ABI3BP: variants seen among roughly 807,000 people sequenced by gnomAD.
ABI3BP encodes the protein ABI family member 3 binding protein.
ABI3BP carries 216 observed loss-of-function variants against 268.6 expected under a neutral mutation model. The ratio of observed to expected loss-of-function variants is 0.80; its 90% CI spans 0.72 to 0.90. ABI3BP has a LOEUF of 0.90. ABI3BP is among the 40% of genes least tolerant of loss of function. ABI3BP has a pLI of 0.00. For missense variants in ABI3BP, 2,090 were observed against 2,182.4 expected (o/e 0.96, Z 0.84); for synonymous variants, 730 against 730.0 (o/e 1.00, Z 0.00).
At chr3:100,881,285 ATC>A (rs1160765277) in intron 6 of ABI3BP, among the ~76,000 whole-genome samples, 2 of 152,162 alleles carry the variant, frequency 1.3e-5, no homozygotes, top group African/African-American at 4.8e-5. Flanking sequence ...CATAAAGGTA[ATC>A]TCTCTTCACA....
At chr3:100,985,303 C>T (rs1385844945) in intron 1 of ABI3BP, among the ~76,000 whole-genome samples, 1 of 151,824 alleles carries the variant, frequency 6.6e-6, no homozygotes, top group Admixed American at 6.6e-5. Flanking sequence ...GCACGTGCCA[C>T]CATGCCCGGC....
chr3:100,850,660 C>T lies in ABI3BP; in HGVS notation c.1426G>A (p.Ala476Thr). ...ATGATTTTTCTGTTAAAAACATTAC[C>T]CAGTGTTGCCCTTGGCTGTTCAAGA... Reference protein sequence around the residue: ...RTLEQPRATLAPSETPFVPQK... With the variant: ...RTLEQPRATLTPSETPFVPQK... The change falls in exon 16 of 68, where the codon GCT (alanine) becomes ACT (threonine). Residue 476 changes from alanine (A) to threonine (T), a missense_variant and splice_region_variant. Ala to Thr is a moderately conservative substitution (Grantham distance 58, BLOSUM62 0). Transcript: ENST00000471714. 5.0e-6 allele frequency: 8 copies of T among 1,605,502 alleles called. No homozygotes were observed. Among genetic ancestry groups the T allele is most frequent in the Middle Eastern group, 3.3e-4 (2 of 6,032 alleles).
intron 6 of ABI3BP, among the ~76,000 whole-genome samples, chr3:100,883,405 C>T (rs1486010845): frequency 6.6e-6 from 1 of 152,054 alleles, no homozygotes; most frequent in African/African-American, 2.4e-5. Context: ...GTATCATCAA[C>T]AGGTCAATGT....
intron 1 of ABI3BP, among the ~76,000 whole-genome samples, chr3:100,989,892 GA>G (rs1329423714): frequency 6.6e-6 from 1 of 152,190 alleles, no homozygotes; most frequent in African/African-American, 2.4e-5. Context: ...AAAACAATGT[GA>G]AAATTCTTCT....
chr3:100,826,693 T>C (rs2098391293), intron 34 of ABI3BP, among the ~76,000 whole-genome samples: 1 of 152,160 alleles, frequency 6.6e-6, no homozygotes, highest in African/African-American at 2.4e-5. Flanking sequence ...TGCTGGGAAC[T>C]CCACTTTGGA....
rs1419436554 is a variant in ABI3BP, at chr3:100,830,491, A to G, written c.2458+87T>C. ...AGAGGATAACACAGAAGCCTTGTGA[A>G]GCGGGAGAAGCTGTGGTTATGATGG... On this transcript the variant is annotated intron_variant, in intron 32 of 67. Coordinates refer to ENST00000471714, the MANE Select transcript of ABI3BP (RefSeq NM_001375547.2). 6.3e-6 allele frequency: 7 copies of G among 1,118,576 alleles called. No individual in the cohort carries two copies. The Admixed American group carries it at 8.9e-5, about 14-fold the overall frequency. The allele number at this position is 1,118,576 out of a possible 1,614,324, so 69.3% of individuals were successfully genotyped here.
chr3:100,825,919 T>G (rs1322086522), intron 34 of ABI3BP, 75 bp from the exon 35 acceptor site: 21 of 1,098,704 alleles, frequency 1.9e-5, no homozygotes, highest in Non-Finnish European at 2.7e-5. Context: ...AAACGTATCT[T>G]GCTTGTGTAA....
At chr3:100,774,583 A>G (rs769409176) in intron 61 of ABI3BP, 22 bp downstream of exon 61, 1 of 1,544,494 alleles carries the variant, frequency 6.5e-7, no homozygotes, top group South Asian at 1.2e-5. Context: ...CAAATGTGAG[A>G]TTCACAGCCA....
intron 55 of ABI3BP, among the ~76,000 whole-genome samples, chr3:100,791,135 C>A (rs984570771): frequency 1.1e-4 from 17 of 151,848 alleles, no homozygotes; most frequent in African/African-American, 3.9e-4. Flanking sequence ...TCAGCATGTA[C>A]AAATATGTTA....
intron 5 of ABI3BP, among the ~76,000 whole-genome samples, chr3:100,885,835 C>T (rs1403106991): frequency 6.6e-6 from 1 of 151,960 alleles, no homozygotes; most frequent in African/African-American, 2.4e-5. Flanking sequence ...AACATTGGTA[C>T]ATGTTATTGT....
intron 4 of ABI3BP, among the ~76,000 whole-genome samples, chr3:100,889,441 A>G (rs1216765904): frequency 6.6e-6 from 1 of 152,194 alleles, no homozygotes; most frequent in Non-Finnish European, 1.5e-5. Context: ...AAAAGTAATC[A>G]GCATTTCACA....
chr3:100,947,752 C>CTGT (rs2073149732), intron 1 of ABI3BP, among the ~76,000 whole-genome samples: 1 of 151,842 alleles, frequency 6.6e-6, no homozygotes, highest in African/African-American at 2.4e-5. Context: ...AGATAGTAAA[C>CTGT]TGTTAGGTAG....
intron 4 of ABI3BP, among the ~76,000 whole-genome samples, chr3:100,897,947 T>G (rs1485160784): frequency 6.6e-6 from 1 of 152,204 alleles, no homozygotes; most frequent in African/African-American, 2.4e-5. Flanking sequence ...GAAGCTAATA[T>G]AGTAAATATT....
At chr3:100,911,119 T>C in intron 2 of ABI3BP, 1 of 336,330 alleles carries the variant, frequency 3.0e-6, no homozygotes, top group Non-Finnish European at 5.8e-6. Flanking sequence ...CTGCTGTGAT[T>C]TCTTGAATTG....
At chr3:100,868,559 TAGAA>T (rs2099076958) in intron 9 of ABI3BP, among the ~76,000 whole-genome samples, 1 of 152,206 alleles carries the variant, frequency 6.6e-6, no homozygotes, top group South Asian at 2.1e-4. Context: ...TGAAGACAAT[TAGAA>T]AGTCATCTTT....
chr3:100,958,574 T>C (rs1043456606), intron 1 of ABI3BP, among the ~76,000 whole-genome samples: 5 of 152,198 alleles, frequency 3.3e-5, no homozygotes, highest in Non-Finnish European at 5.9e-5. Context: ...TGGTTTCCAC[T>C]TAGGATGTAA....
chr3:100,752,001 C>T (rs2095358200), intron 66 of ABI3BP, among the ~76,000 whole-genome samples: 1 of 152,220 alleles, frequency 6.6e-6, no homozygotes, highest in Non-Finnish European at 1.5e-5. Flanking sequence ...CTTACTAAGT[C>T]TGGGCCATAC....
At chr3:100,880,908 C>T (rs1342223259) in intron 6 of ABI3BP, among the ~76,000 whole-genome samples, 1 of 151,954 alleles carries the variant, frequency 6.6e-6, no homozygotes, top group African/African-American at 2.4e-5. Flanking sequence ...TATTTTCAGG[C>T]CCCGAGATAA....
rs376063774 is a variant in ABI3BP at position 100,752,925 on chromosome 3, C to T, written c.4984G>A (p.Glu1662Lys). 6.2e-7 allele frequency: 1 copy of T among 1,613,060 alleles called. No homozygotes were observed. Among genetic ancestry groups the T allele is most frequent in the Non-Finnish European group, 8.5e-7 (1 of 1,179,482 alleles). ...TAAGAGTCTGAATTAAAGGGTCTTT[C>T]AGTCCAGATGGCATCTCTTCCTGCT... The part of the protein sequence containing the change: ...VSAGRDAIWT[E>K]RPFNSDSYSE... The change falls in exon 66 of 68, where the codon GAA (glutamate) becomes AAA (lysine). Residue 1662 changes from glutamate (E) to lysine (K), a missense_variant. Transcript: ENST00000471714.
Sources: gnomAD v4.1 joint callset for allele counts (sites outside exome capture counted in the v4.1 genomes callset) on GRCh38, gnomAD v4.1.1 for gene constraint, MANE v1.5 for transcripts, NCBI Gene and HGNC (gene_info 2026-07-23, HGNC 2026-07-21) for gene names.